Variants in KCNK2 observed in about 807,000 individuals in gnomAD.
The protein encoded by KCNK2 is potassium two pore domain channel subfamily K member 2, also known as potassium channel subfamily K member 2.
Under a neutral mutation model 40.5 loss-of-function variants are expected in KCNK2, and 21 were observed. The ratio of observed to expected loss-of-function variants is 0.52; its 90% confidence interval spans 0.37 to 0.75. KCNK2 has a LOEUF of 0.75. KCNK2 is among the 30% of genes least tolerant of loss of function. KCNK2 has a pLI of 0.00. For missense variants in KCNK2, 399 were observed against 531.6 expected, an observed-to-expected ratio of 0.75 and a Z score of 2.45; for synonymous variants, 191 against 202.2, an observed-to-expected ratio of 0.94 and a Z score of 0.47.
chr1:215,166,763 T>C (rs1407331330), intron 3 of KCNK2, among the ~76,000 whole-genome samples: 1 of 152,034 alleles, frequency 6.6e-6, no homozygotes, highest in Non-Finnish European at 1.5e-5. Context: ...AGAAAATAAA[T>C]TTCTACTAAA....
At chr1:215,173,652 G>A (rs1359707853) in intron 5 of KCNK2, among the ~76,000 whole-genome samples, 1 of 152,088 alleles carries the variant, frequency 6.6e-6, no homozygotes, top group Non-Finnish European at 1.5e-5. Context: ...ACTTTTTAAT[G>A]ATCGCCATTC....
At chr1:215,062,420 A>G (rs868243688) in intron 1 of KCNK2, among the ~76,000 whole-genome samples, 17 of 152,038 alleles carry the variant, frequency 1.1e-4, no homozygotes, top group Admixed American at 9.2e-4. Context: ...GGCTAGTACC[A>G]TAGCTAGTCT....
chr1:215,043,687 A>T lies in KCNK2; in HGVS notation c.34+37732A>T, dbSNP rs1234727067. ...TTAACAGGTACAGAGTTTCAGTTGA[A>T]GAAGATGAAAAAATTCTGTAGATGT... On this transcript the variant is annotated intron_variant, in intron 1 of 6. Coordinates refer to the KCNK2 transcript ENST00000391895. 2.0e-5 allele frequency among the ~76,000 whole-genome samples: 3 copies of T among 152,308 alleles called. No individual in the cohort carries two copies. In the East Asian group the frequency reaches 5.8e-4, roughly 29 times the overall value.
intron 3 of KCNK2, among the ~76,000 whole-genome samples, chr1:215,163,733 G>A (rs565909403): frequency 2.6e-5 from 4 of 152,196 alleles, no homozygotes; most frequent in East Asian, 1.9e-4. Flanking sequence ...ATTGATTTGC[G>A]TATGTTGAAC....
At chr1:215,082,030 C>G (rs1309959027), upstream of KCNK2, 1 of 152,228 alleles carries the variant, frequency 6.6e-6, no homozygotes, top group Non-Finnish European at 1.5e-5. Context: ...GCTGCTCCCA[C>G]CCACCGCGCT....
chr1:215,124,534 T>A (rs1661332185), intron 2 of KCNK2, 99 bp from the exon 3 acceptor site: 10 of 766,556 alleles, frequency 1.3e-5, no homozygotes, highest in South Asian at 1.1e-4. Context: ...TTAGAGTTGA[T>A]TCTCTTTGTC....
intron 3 of KCNK2, among the ~76,000 whole-genome samples, chr1:215,166,645 A>G (rs75980991): frequency 0.014 from 2,111 of 152,158 alleles, 55 homozygotes; most frequent in African/African-American, 0.046. Flanking sequence ...TCCTACATGA[A>G]AGTCCAGACT....
chr1:215,124,678 A>C lies in KCNK2; in HGVS notation c.403A>C (p.Thr135Pro). ...TGCAGGGATTATACCGTTAGGAAAC[A>C]CCTCCAATCAAATCAGTCACTGGGA... ...INAGIIPLGN[T>P]SNQISHWDLG... The change falls in exon 3 of 7, where the codon ACC becomes CCC. Residue 135 changes from threonine (T) to proline (P), a missense_variant. Physicochemically the swap from Thr to Pro is conservative, Grantham distance 38. This residue lies in a region of KCNK2 where 279 missense variants were observed against 353.8 expected (regional missense o/e 0.79). Transcript: ENST00000444842. 6.2e-7 allele frequency: 1 copy of C among 1,613,120 alleles called. No individual in the cohort carries two copies.
chr1:215,136,386 C>T (rs1661916262), intron 3 of KCNK2, among the ~76,000 whole-genome samples: 1 of 152,138 alleles, frequency 6.6e-6, no homozygotes, highest in African/African-American at 2.4e-5. Context: ...GTGTGAGCCA[C>T]CATGCCTGGC....
At chr1:215,149,227 G>A (rs1662576383) in intron 3 of KCNK2, among the ~76,000 whole-genome samples, 2 of 152,164 alleles carry the variant, frequency 1.3e-5, no homozygotes. Context: ...GTGGTGGTAA[G>A]GAGGTCTGCC....
intron 2 of KCNK2, among the ~76,000 whole-genome samples, chr1:215,101,301 A>G (rs1660204171): frequency 1.3e-5 from 2 of 152,066 alleles, no homozygotes; most frequent in South Asian, 4.1e-4. Flanking sequence ...TGAGATAGAG[A>G]TGGGAGGTGG....
chr1:215,025,088 G>C (rs988646239), intron 1 of KCNK2, among the ~76,000 whole-genome samples: 1 of 151,782 alleles, frequency 6.6e-6, no homozygotes, highest in African/African-American at 2.4e-5. Flanking sequence ...AAGGTTTTAG[G>C]GTCACAGTGC....
At chr1:215,100,735 A>G (rs1020465095) in intron 2 of KCNK2, among the ~76,000 whole-genome samples, 4 of 152,044 alleles carry the variant, frequency 2.6e-5, no homozygotes, top group Admixed American at 6.6e-5. Context: ...ACTTGTCGCA[A>G]ACCATCCATA....
At chr1:215,077,617 A>G (rs1658991326) in intron 1 of KCNK2, among the ~76,000 whole-genome samples, 1 of 152,016 alleles carries the variant, frequency 6.6e-6, no homozygotes, top group Admixed American at 6.6e-5. Flanking sequence ...TAAAATCCAG[A>G]TGCCACCTGA....
At chr1:215,132,990 T>A (rs1395433829) in intron 3 of KCNK2, among the ~76,000 whole-genome samples, 3 of 152,190 alleles carry the variant, frequency 2.0e-5, no homozygotes, top group Non-Finnish European at 2.9e-5. Context: ...TTGAGAACAT[T>A]AGGGATATAA....
At chr1:215,056,784 C>T (rs1419780763) in intron 1 of KCNK2, among the ~76,000 whole-genome samples, 1 of 151,854 alleles carries the variant, frequency 6.6e-6, no homozygotes, top group Non-Finnish European at 1.5e-5. Context: ...GCAGGATGTA[C>T]ATGGGGTAAA....
Position 215,083,194 on chromosome 1 carries a change from T to TACCC in KCNK2, c.-192_-191insACCC. The TACCC allele has an allele frequency of 2.0e-6, 1 of 501,814 alleles. No homozygotes were observed. The highest frequency in any genetic ancestry group is 3.3e-6 in the Non-Finnish European group (1 of 301,554). The allele number at this position is 501,814 out of a possible 1,614,324, so 31.1% of individuals were successfully genotyped here. On this transcript the variant is annotated 5_prime_UTR_variant, in exon 1 of 7. Transcript: ENST00000444842. ...CCCGCGATTTCGTTTCTTCTCACGC[T>TACCC]CCCCCCCCCGCCCCCTCCCGCGTCC...
intron 1 of KCNK2, among the ~76,000 whole-genome samples, chr1:215,036,382 G>C (rs1657385435): frequency 6.6e-6 from 1 of 151,746 alleles, no homozygotes; most frequent in Non-Finnish European, 1.5e-5. Flanking sequence ...CTTCTATTCT[G>C]TTCCATTGAT....
intron 1 of KCNK2, among the ~76,000 whole-genome samples, chr1:215,053,356 C>A (rs1658053184): frequency 1.3e-5 from 2 of 152,122 alleles, no homozygotes; most frequent in Non-Finnish European, 2.9e-5. Flanking sequence ...ATCAATCAGT[C>A]AACTGACAAA....
Sources: allele counts gnomAD v4.1 joint callset (sites outside exome capture counted in the v4.1 genomes callset), GRCh38; gene constraint gnomAD v4.1.1; regional missense constraint gnomAD v4.1.1; transcripts MANE v1.5; gene names NCBI Gene and HGNC (gene_info 2026-07-23, HGNC 2026-07-21).